WDR70: variants seen among roughly 807,000 people sequenced by gnomAD.
The protein encoded by WDR70 is WD repeat-containing protein 70.
Under a neutral mutation model 88.6 loss-of-function variants are expected in WDR70, and 53 were observed. The observed-to-expected ratio is 0.60, with a 90% confidence interval of 0.48 to 0.75. The LOEUF (loss-of-function observed/expected upper bound fraction) is 0.75. Ranked by LOEUF, WDR70 falls within the 30% of genes least tolerant of loss-of-function variation. The pLI is 0.00. For synonymous variants in WDR70, 280 were observed against 270.0 expected (o/e 1.04, Z -0.36); for missense variants, 610 against 823.2 (o/e 0.74, Z 3.17).
chr5:37,703,029 T>C lies in WDR70; in HGVS notation c.1358T>C (p.Leu453Pro), dbSNP rs1179269697. 6.2e-7 allele frequency: 1 copy of C among 1,613,952 alleles called. No homozygotes were observed. Reference protein sequence around the residue: ...SIQRGCGSGKLVFFERRTFQR... With the variant: ...SIQRGCGSGKPVFFERRTFQR... ...CAAAGAGGATGTGGCAGCGGCAAACTTGTTTTCTTTGAGCGTAGGACTTTC... is the reference window on the plus strand; with the variant it reads ...CAAAGAGGATGTGGCAGCGGCAAACCTGTTTTCTTTGAGCGTAGGACTTTC... The change falls in exon 13 of 18, where the codon CTT (leucine) becomes CCT (proline). Residue 453 changes from leucine (L) to proline (P), a missense_variant. Physicochemically the swap from Leu to Pro is moderately conservative, Grantham distance 98 (BLOSUM62 -3). Coordinates refer to ENST00000265107, the MANE Select transcript of WDR70 (RefSeq NM_018034.4).
intron 5 of WDR70, among the ~76,000 whole-genome samples, chr5:37,427,823 C>G (rs1581270403): frequency 6.6e-6 from 1 of 151,982 alleles, no homozygotes; most frequent in South Asian, 2.1e-4. Context: ...GAGCTGAGAT[C>G]GTGCCACTGC....
rs1481388128 is a variant in WDR70, at chr5:37,697,770, T to C, written c.1192+16T>C. On this transcript the variant is annotated intron_variant, in intron 11 of 17. Transcript: ENST00000265107. ...TCTCGTGGAGGTAGGTTAAAAGCTT[T>C]CTTTTTGATGTATTTCTCTATATAA... 2.5e-6 allele frequency: 4 copies of C among 1,580,868 alleles called. No individual in the cohort carries two copies. Among genetic ancestry groups the C allele is most frequent in the South Asian group, 1.1e-5 (1 of 90,198 alleles).
At chr5:37,474,088 A>G (rs1311102962) in intron 7 of WDR70, among the ~76,000 whole-genome samples, 2 of 152,138 alleles carry the variant, frequency 1.3e-5, no homozygotes, top group East Asian at 1.9e-4. Context: ...TCTTTGATCT[A>G]AGGATTACTT....
At chr5:37,545,147 G>A (rs1429013386) in intron 9 of WDR70, among the ~76,000 whole-genome samples, 1 of 151,966 alleles carries the variant, frequency 6.6e-6, no homozygotes, top group Non-Finnish European at 1.5e-5. Context: ...GTTATTGACC[G>A]CTATTTTTAT....
intron 9 of WDR70, among the ~76,000 whole-genome samples, chr5:37,570,370 A>G (rs1037634325): frequency 1.3e-5 from 2 of 152,186 alleles, no homozygotes; most frequent in Admixed American, 6.5e-5. Flanking sequence ...AGTTTGAAGT[A>G]TATGAGAAAC....
At chr5:37,675,679 C>G (rs1746182562) in intron 10 of WDR70, among the ~76,000 whole-genome samples, 1 of 152,138 alleles carries the variant, frequency 6.6e-6, no homozygotes, top group Non-Finnish European at 1.5e-5. Context: ...ATGCCTCCAG[C>G]TTTGTTCTTT....
intron 10 of WDR70, among the ~76,000 whole-genome samples, chr5:37,608,038 C>CTTTT (rs11295618): frequency 9.9e-5 from 10 of 100,600 alleles, no homozygotes; most frequent in Admixed American, 3.4e-4. Flanking sequence ...CTGCAACACT[C>CTTTT]TTTTTTTTTT....
chr5:37,561,859 G>A (rs553971193), intron 9 of WDR70, among the ~76,000 whole-genome samples: 1 of 152,216 alleles, frequency 6.6e-6, no homozygotes, highest in South Asian at 2.1e-4. Flanking sequence ...TGTAAATATT[G>A]TTTCATGTGT....
rs376901526 is a variant in WDR70 at position 37,582,278 on chromosome 5, C to A, written c.918-22786C>A. Among the ~76,000 whole-genome samples, 5 of 152,182 alleles carry A rather than the reference C, an allele frequency of 3.3e-5. No homozygotes were observed. The East Asian group carries it at 9.6e-4, about 29-fold the overall frequency. ...AGTTAACTATAGGGATAGGTGAAAA[C>A]CAAACTATGAAAGCAAGCCTTTTAA... is the stretch of plus-strand genomic sequence containing the variant. On this transcript the variant is annotated intron_variant, in intron 9 of 17. Transcript: ENST00000265107.
chr5:37,653,291 G>T (rs1343413195), intron 10 of WDR70, among the ~76,000 whole-genome samples: 1 of 152,082 alleles, frequency 6.6e-6, no homozygotes, highest in African/African-American at 2.4e-5. Flanking sequence ...GGATGAAGCC[G>T]ACTTGATCAT....
At chr5:37,677,720 G>A (rs1437678991) in intron 10 of WDR70, among the ~76,000 whole-genome samples, 1 of 152,168 alleles carries the variant, frequency 6.6e-6, no homozygotes. Flanking sequence ...CTTTTGATTT[G>A]GGGTGGAAAT....
chr5:37,543,399 A>G (rs1466175656), intron 9 of WDR70, among the ~76,000 whole-genome samples: 1 of 152,174 alleles, frequency 6.6e-6, no homozygotes, highest in African/African-American at 2.4e-5. Context: ...CTTAGAAGAT[A>G]CCAGCTGATG....
intron 9 of WDR70, among the ~76,000 whole-genome samples, chr5:37,587,921 A>G (rs1260831770): frequency 6.6e-6 from 1 of 151,918 alleles, no homozygotes; most frequent in African/African-American, 2.4e-5. Flanking sequence ...CTGGGATTAC[A>G]GGTGCACACC....
At chr5:37,557,964 AT>A (rs1742362753) in intron 9 of WDR70, among the ~76,000 whole-genome samples, 2 of 988 alleles carry the variant, frequency 2.0e-3, no homozygotes, top group African/African-American at 4.2e-3. Flanking sequence ...AGTATTATGT[AT>A]ATTTATTATG....
intron 10 of WDR70, among the ~76,000 whole-genome samples, chr5:37,661,688 T>A (rs191492228): frequency 2.0e-5 from 3 of 152,310 alleles, no homozygotes; most frequent in East Asian, 3.9e-4. Flanking sequence ...GTTTTCTTGT[T>A]GTCTTATGTT....
intron 5 of WDR70, among the ~76,000 whole-genome samples, chr5:37,407,542 C>T (rs1749390809): frequency 1.3e-5 from 2 of 151,924 alleles, no homozygotes; most frequent in Non-Finnish European, 2.9e-5. Flanking sequence ...AGAAATAAGT[C>T]AGAACCACTA....
chr5:37,521,308 A>ATAG (rs55823423), intron 9 of WDR70, among the ~76,000 whole-genome samples: 2 of 151,776 alleles, frequency 1.3e-5, no homozygotes, highest in Non-Finnish European at 2.9e-5. Context: ...GTGATACACA[A>ATAG]ACATTTAAAA....
rs563215706 is a variant in WDR70, at chr5:37,671,510, TGTA to T, written c.1093-26141_1093-26139del. 5.4e-3 allele frequency among the ~76,000 whole-genome samples: 815 copies of T among 152,242 alleles called. 5 individuals carry two copies. The highest frequency in any genetic ancestry group is 9.1e-3 in the Non-Finnish European group (618 of 68,012). The stretch of plus-strand genomic sequence containing the variant: ...CAGCTTGGCCAGGATCAAACTTAAA[TGTA>T]GTAAGCTAAAATTTTAGGTCAAGTA... On this transcript the variant is annotated intron_variant, in intron 10 of 17. Transcript: ENST00000265107.
chr5:37,648,143 T>A lies in WDR70; in HGVS notation c.1092+42905T>A, dbSNP rs1342969126. On this transcript the variant is annotated intron_variant, in intron 10 of 17. Transcript: ENST00000265107. ...ATCTGTGTTGGGAAGAAACCTTACA[T>A]AGGGTGAGGCTCAGCCATTTTGTAT... Among the ~76,000 whole-genome samples the A allele has an allele frequency of 2.6e-5, 4 of 152,294 alleles. No homozygotes were observed. The South Asian group carries it at 6.2e-4, about 24-fold the overall frequency.
Sources: allele counts gnomAD v4.1 joint callset (sites outside exome capture counted in the v4.1 genomes callset), GRCh38; gene constraint gnomAD v4.1.1; transcripts MANE v1.5; gene names NCBI Gene and HGNC (gene_info 2026-07-23, HGNC 2026-07-21).